ZNF385D: variants seen among roughly 807,000 people sequenced by gnomAD.
The protein encoded by ZNF385D is zinc finger protein 659.
In ZNF385D, 15 loss-of-function variants were observed where a neutral mutation model predicts 35.8. That is an observed-to-expected ratio of 0.42 (90% confidence interval 0.28 to 0.64). The LOEUF (loss-of-function observed/expected upper bound fraction) is 0.64. Ranked by LOEUF, ZNF385D falls within the 30% of genes least tolerant of loss-of-function variation. The pLI, the probability that ZNF385D is intolerant of heterozygous loss-of-function variation, is 0.23. For missense variants in ZNF385D, 474 were observed against 494.6 expected, an observed-to-expected ratio of 0.96 and a Z score of 0.39; for synonymous variants, 212 against 186.8, an observed-to-expected ratio of 1.13 and a Z score of -1.10.
intron 2 of ZNF385D, among the ~76,000 whole-genome samples, chr3:22,260,664 A>G (rs1022754940): frequency 9.2e-5 from 14 of 152,112 alleles, no homozygotes; most frequent in African/African-American, 3.4e-4. Flanking sequence ...ATGGACATAA[A>G]TCTGCCCATT....
At chr3:21,953,260 A>G (rs2593314) in intron 3 of ZNF385D, among the ~76,000 whole-genome samples, 39,383 of 151,226 alleles carry the variant, frequency 0.26, 5,851 homozygotes, top group Admixed American at 0.41. Context: ...CTCAGAATAA[A>G]ACTTTTTTTT....
At chr3:22,007,085 T>A (rs895647780) in intron 3 of ZNF385D, among the ~76,000 whole-genome samples, 2 of 150,668 alleles carry the variant, frequency 1.3e-5, no homozygotes, top group Non-Finnish European at 3.0e-5. Context: ...AAAGGCAAAC[T>A]GTTCATATGT....
intron 1 of ZNF385D, among the ~76,000 whole-genome samples, chr3:21,742,372 C>T (rs1172740583): frequency 6.6e-6 from 1 of 152,158 alleles, no homozygotes; most frequent in East Asian, 1.9e-4. Context: ...CTTACTGATA[C>T]TTGAGGTGGC....
intron 3 of ZNF385D, among the ~76,000 whole-genome samples, chr3:22,065,946 G>C (rs1176355005): frequency 1.3e-5 from 2 of 152,130 alleles, no homozygotes; most frequent in Non-Finnish European, 2.9e-5. Context: ...GAGGAGAACA[G>C]TATCTGAGGC....
At chr3:21,784,297 T>A (rs1403964454) in intron 3 of ZNF385D, among the ~76,000 whole-genome samples, 4 of 152,204 alleles carry the variant, frequency 2.6e-5, no homozygotes, top group African/African-American at 9.6e-5. Context: ...GCTCTCAATG[T>A]GGGCCACTTA....
intron 3 of ZNF385D, among the ~76,000 whole-genome samples, chr3:21,785,231 T>C (rs1008442351): frequency 1.4e-4 from 21 of 152,310 alleles, no homozygotes; most frequent in African/African-American, 4.8e-4. Context: ...ATATATTTTC[T>C]AGCTTTATTG....
At chr3:22,207,846 C>G (rs2125254728) in intron 2 of ZNF385D, among the ~76,000 whole-genome samples, 1 of 151,998 alleles carries the variant, frequency 6.6e-6, no homozygotes, top group South Asian at 2.1e-4. Flanking sequence ...TATCATTGAT[C>G]ATCAGAGAAA....
chr3:21,682,300 G>A (rs958473169), intron 1 of ZNF385D, among the ~76,000 whole-genome samples: 19 of 135,120 alleles, frequency 1.4e-4, no homozygotes, highest in African/African-American at 5.2e-4. Context: ...TACACAACCT[G>A]GAAAATAGCC....
At chr3:22,314,279 C>G (rs1489081423) in intron 2 of ZNF385D, among the ~76,000 whole-genome samples, 2 of 152,010 alleles carry the variant, frequency 1.3e-5, no homozygotes, top group Non-Finnish European at 2.9e-5. Flanking sequence ...CCTTCCTACC[C>G]TTTCCCCACT....
chr3:21,827,960 A>G (rs958610732), intron 3 of ZNF385D, among the ~76,000 whole-genome samples: 1 of 152,202 alleles, frequency 6.6e-6, no homozygotes, highest in African/African-American at 2.4e-5. Flanking sequence ...CTACCTGGAT[A>G]AATGTTACTA....
intron 3 of ZNF385D, among the ~76,000 whole-genome samples, chr3:21,932,166 CAAAAAAAAAAA>C (rs543138588): frequency 2.0e-4 from 11 of 55,340 alleles, no homozygotes; most frequent in Admixed American, 1.2e-3. Flanking sequence ...GACTCATTCT[CAAAAAAAAAAA>C]AAAAAAAAAA....
intron 1 of ZNF385D, among the ~76,000 whole-genome samples, chr3:21,732,137 C>A (rs1338835258): frequency 7.0e-6 from 1 of 142,212 alleles, no homozygotes; most frequent in Non-Finnish European, 1.5e-5. Flanking sequence ...GCAACCTCCG[C>A]CTCCCAGGTT....
chr3:21,877,058 C>G (rs771963763), intron 3 of ZNF385D, among the ~76,000 whole-genome samples: 7 of 152,032 alleles, frequency 4.6e-5, no homozygotes, highest in Non-Finnish European at 8.8e-5. Flanking sequence ...TTACTGTGAA[C>G]CCCTAGAGGG....
chr3:21,840,220 T>A (rs1424972324), intron 3 of ZNF385D, among the ~76,000 whole-genome samples: 1 of 152,024 alleles, frequency 6.6e-6, no homozygotes. Context: ...AGTATGTAAG[T>A]ATTACACATG....
chr3:21,997,040 G>C (rs1246357377), intron 3 of ZNF385D, among the ~76,000 whole-genome samples: 2 of 148,502 alleles, frequency 1.3e-5, no homozygotes, highest in African/African-American at 2.4e-5. Flanking sequence ...ACCATCAAAG[G>C]AACAGTTTTA....
intron 3 of ZNF385D, among the ~76,000 whole-genome samples, 176 bp downstream of exon 3, chr3:21,564,398 C>CCAAA (rs1447231585): frequency 7.9e-5 from 12 of 152,162 alleles, no homozygotes; most frequent in Admixed American, 7.9e-4. Flanking sequence ...TAGTAAACAA[C>CCAAA]CAAACATAAC....
intron 2 of ZNF385D, among the ~76,000 whole-genome samples, chr3:22,209,091 G>A (rs1697346810): frequency 6.6e-6 from 1 of 151,814 alleles, no homozygotes; most frequent in East Asian, 1.9e-4. Context: ...GGCCATAAAG[G>A]CATTCTGCTC....
intron 3 of ZNF385D, among the ~76,000 whole-genome samples, chr3:21,810,107 A>G (rs1333382744): frequency 6.6e-6 from 1 of 152,182 alleles, no homozygotes; most frequent in African/African-American, 2.4e-5. Context: ...ATTACAAGCC[A>G]ATATACCTCA....
At chr3:21,873,033 G>A (rs1697774976) in intron 3 of ZNF385D, among the ~76,000 whole-genome samples, 2 of 152,008 alleles carry the variant, frequency 1.3e-5, no homozygotes, top group Admixed American at 6.6e-5. Flanking sequence ...TCAAGGTTCG[G>A]CATCATATAA....
Sources: allele counts gnomAD v4.1 joint callset (sites outside exome capture counted in the v4.1 genomes callset), GRCh38; gene constraint gnomAD v4.1.1; transcripts MANE v1.5; gene names NCBI Gene and HGNC (gene_info 2026-07-23, HGNC 2026-07-21).